The following CNOT1 variants were observed in gnomAD, a reference collection of about 807,000 sequenced individuals.
CNOT1 encodes the protein CCR4-associated factor 1.
A neutral mutation model predicts 273.8 loss-of-function variants in CNOT1; 15 were observed. The ratio of observed to expected loss-of-function variants is 0.05; its 90% confidence interval spans 0.04 to 0.08. The LOEUF is 0.08. CNOT1 is among the 10% of genes least tolerant of loss of function. The pLI is 1.00. For missense variants in CNOT1, 1,644 were observed against 2,912.2 expected, an observed-to-expected ratio of 0.56 and a Z score of 10.02; for synonymous variants, 1,022 against 1,005.5, an observed-to-expected ratio of 1.02 and a Z score of -0.31.
chr16:58,539,247 G>A (rs892330236), intron 35 of CNOT1, among the ~76,000 whole-genome samples: 1 of 151,928 alleles, frequency 6.6e-6, no homozygotes, highest in Non-Finnish European at 1.5e-5. Context: ...TAATCCTAGC[G>A]CTTTGGGAGG....
chr16:58,625,988 A>C (rs537685872), intron 1 of CNOT1, among the ~76,000 whole-genome samples: 1 of 152,320 alleles, frequency 6.6e-6, no homozygotes, highest in East Asian at 1.9e-4. Flanking sequence ...TTCTATATAT[A>C]GAGTCACTCA....
Position 58,525,188 on chromosome 16 carries a change from C to A in CNOT1, c.6775G>T (p.Asp2259Tyr). ...GGCAGGCTTCACTCACCCTCAGTGT[C>A]CAAGTCCACAGCCAAATTCTGGAAG... Reference protein sequence around the residue: ...DIFQNLAVDLDTEGRYLFLNA... With the variant: ...DIFQNLAVDLYTEGRYLFLNA... The change falls in exon 46 of 49, where the codon GAC becomes TAC. Residue 2259 changes from aspartate (D) to tyrosine (Y), a missense_variant. By Grantham distance (160) the Asp-to-Tyr change is radical. Coordinates refer to ENST00000317147, the MANE Select transcript of CNOT1 (RefSeq NM_016284.5). The A allele has an allele frequency of 6.2e-7, 1 of 1,613,340 alleles. No homozygotes were observed. The highest frequency in any genetic ancestry group is 1.1e-5 in the South Asian group (1 of 91,022).
At chr16:58,579,963 A>G (rs2041598605) in intron 12 of CNOT1, among the ~76,000 whole-genome samples, 1 of 152,158 alleles carries the variant, frequency 6.6e-6, no homozygotes, top group East Asian at 1.9e-4. Context: ...CAATCCCAGC[A>G]CTTTGAGAGA....
intron 2 of CNOT1, among the ~76,000 whole-genome samples, chr16:58,592,015 T>C (rs1161383257): frequency 6.6e-6 from 1 of 152,168 alleles, no homozygotes. Flanking sequence ...TATAGAAATA[T>C]TGCCAAAAGC....
rs1173344330 is a variant in CNOT1 at position 58,547,816 on chromosome 16, A to T, written c.3523-134T>A. The T allele has an allele frequency of 1.3e-6, 1 of 770,678 alleles. No individual in the cohort carries two copies. The highest frequency in any genetic ancestry group is 2.0e-6 in the Non-Finnish European group (1 of 503,972). The allele number at this position is 770,678 out of a possible 1,614,324, so 47.7% of individuals were successfully genotyped here. Reference sequence around the variant, plus strand: ...TAAGAACAGGCCCCAAAGTAGAATTACTCTGTATATCATTCTCAATATCAT... The same window carrying T: ...TAAGAACAGGCCCCAAAGTAGAATTTCTCTGTATATCATTCTCAATATCAT... On this transcript the variant is annotated intron_variant, in intron 25 of 48. Transcript: ENST00000317147. The surrounding 1 kb of genome is among the most constrained non-coding windows in gnomAD (Gnocchi z 4.0).
intron 7 of CNOT1, among the ~76,000 whole-genome samples, chr16:58,586,257 A>AG: frequency 2.0e-3 from 1 of 500 alleles, no homozygotes; most frequent in Non-Finnish European, 3.4e-3. Context: ...AGGGGAGGGG[A>AG]GGCGAGGGGA....
chr16:58,605,084 C>T (rs965554991), intron 1 of CNOT1, among the ~76,000 whole-genome samples: 1 of 151,672 alleles, frequency 6.6e-6, no homozygotes, highest in Non-Finnish European at 1.5e-5. Context: ...TGCAGTGAGC[C>T]GAGATCGCGC....
chr16:58,554,935 C>CAAAAAAA lies in CNOT1; in HGVS notation c.2891+309_2891+315dup, dbSNP rs56180546. On this transcript the variant is annotated intron_variant, in intron 21 of 48. Coordinates refer to ENST00000317147, the MANE Select transcript of CNOT1 (RefSeq NM_016284.5). ...TGGGGGACAGAGCAAGACTCCATCT[C>CAAAAAAA]AAAAAAAAAAAAAAAAAAGCTTCAG... is the stretch of plus-strand genomic sequence containing the variant. Among the ~76,000 whole-genome samples, 67 of 78,884 alleles carry CAAAAAAA rather than the reference C, an allele frequency of 8.5e-4. 5 individuals carry two copies. Among genetic ancestry groups the CAAAAAAA allele is most frequent in the Non-Finnish European group, 1.1e-3 (45 of 41,850 alleles). The allele number at this position is 78,884 out of a possible 152,430, so 51.8% of individuals were successfully genotyped here. A position where few individuals can be genotyped will look rare whatever the true frequency, so the allele number is the denominator to read the frequency against.
chr16:58,567,459 C>A (rs2041090250), intron 16 of CNOT1, among the ~76,000 whole-genome samples: 2 of 130,082 alleles, frequency 1.5e-5, no homozygotes, highest in Admixed American at 8.2e-5. Flanking sequence ...CCCATTTCCA[C>A]AGAAAATTAA....
Position 58,582,900 on chromosome 16 carries a change from T to C in CNOT1, c.937A>G (p.Ile313Val), listed in dbSNP as rs2041703523. The change falls in exon 10 of 49, where the codon ATT becomes GTT. Residue 313 changes from isoleucine to valine, a missense_variant. Ile to Val is a conservative substitution (Grantham distance 29). Transcript: ENST00000317147. ...CAGATCCCACTGCCCGGAGCAGAAATACTCTGTAGAAGTAAAACTTGAATT... is the reference window on the plus strand; with the variant it reads ...CAGATCCCACTGCCCGGAGCAGAAACACTCTGTAGAAGTAAAACTTGAATT... ...GLTDGIPLQS[I>V]SAPGSGIWSD... 6 of 1,612,888 alleles carry C rather than the reference T, an allele frequency of 3.7e-6. No homozygotes were observed. Among genetic ancestry groups the C allele is most frequent in the Non-Finnish European group, 5.1e-6 (6 of 1,178,948 alleles).
In CNOT1 at chr16:58,582,817, G is replaced by T; in HGVS notation, c.1020C>A (p.Val340=). The part of the protein sequence containing the change: ...GAQAHTWNVE[V]LIDVLKELNP... ...CCAGTTCTTTAAGAACGTCAATCAAGACTTCTACATTCCATGTGTGTGCCT... is the reference window on the plus strand; with the variant it reads ...CCAGTTCTTTAAGAACGTCAATCAATACTTCTACATTCCATGTGTGTGCCT... The change falls in exon 10 of 49, where the codon GTC becomes GTA. Residue 340 remains valine (V), a synonymous_variant. Transcript: ENST00000317147. 1 of 1,513,208 alleles carries T rather than the reference G, an allele frequency of 6.6e-7. No individual in the cohort carries two copies. The highest frequency in any genetic ancestry group is 9.2e-7 in the Non-Finnish European group (1 of 1,088,014). 93.7% of individuals were successfully genotyped at this position (1,513,208 alleles called of 1,614,324 possible).
At chr16:58,555,136 A>G in intron 21 of CNOT1, 115 bp downstream of exon 21, 1 of 1,442,360 alleles carries the variant, frequency 6.9e-7, no homozygotes, top group East Asian at 2.3e-5. Flanking sequence ...TGAGCCCGCA[A>G]GGTCAAGGCT....
chr16:58,604,239 C>T (rs1431067193), intron 1 of CNOT1, among the ~76,000 whole-genome samples: 1 of 152,098 alleles, frequency 6.6e-6, no homozygotes, highest in African/African-American at 2.4e-5. Flanking sequence ...TATTTATAGG[C>T]CATTTTTAAA....
At chr16:58,602,195 G>T (rs963502793) in intron 1 of CNOT1, among the ~76,000 whole-genome samples, 11 of 151,560 alleles carry the variant, frequency 7.3e-5, no homozygotes, top group Admixed American at 2.0e-4. Flanking sequence ...CAGCCTCCCA[G>T]GTAGCTGGGA....
intron 1 of CNOT1, among the ~76,000 whole-genome samples, chr16:58,607,390 T>C (rs1456647597): frequency 2.0e-5 from 3 of 152,086 alleles, no homozygotes; most frequent in Non-Finnish European, 4.4e-5. Context: ...CACATATATA[T>C]AGTTGCTTTT....
intron 1 of CNOT1, among the ~76,000 whole-genome samples, chr16:58,616,353 G>A (rs1466556693): frequency 8.5e-6 from 1 of 117,302 alleles, no homozygotes; most frequent in Non-Finnish European, 2.0e-5. Flanking sequence ...TGATCCACCT[G>A]CCTCGGCCTC....
At chr16:58,604,206 CAG>C (rs2042580850) in intron 1 of CNOT1, among the ~76,000 whole-genome samples, 1 of 152,178 alleles carries the variant, frequency 6.6e-6, no homozygotes, top group African/African-American at 2.4e-5. Context: ...AATGTGTATA[CAG>C]AGTTTGGGTC....
intron 40 of CNOT1, chr16:58,532,993 T>TG (rs1221361057): frequency 6.5e-6 from 1 of 153,106 alleles, no homozygotes; most frequent in Non-Finnish European, 1.5e-5. Flanking sequence ...CTCATGTACT[T>TG]GAGTTGCCAA....
chr16:58,559,585 C>T (rs2040760016), intron 17 of CNOT1, among the ~76,000 whole-genome samples: 2 of 152,188 alleles, frequency 1.3e-5, no homozygotes, highest in South Asian at 4.1e-4. Flanking sequence ...AATAACTGCA[C>T]TTCCAGGCTT....
Sources: allele counts gnomAD v4.1 joint callset (sites outside exome capture counted in the v4.1 genomes callset), GRCh38; gene constraint gnomAD v4.1.1; non-coding constraint Gnocchi (gnomAD v3.1); transcripts MANE v1.5; gene names NCBI Gene and HGNC (gene_info 2026-07-23, HGNC 2026-07-21).